Variants in IMMP2L observed in about 807,000 individuals in gnomAD.
IMMP2L encodes inner mitochondrial membrane peptidase subunit 2.
In IMMP2L, 18 loss-of-function variants were observed where a neutral mutation model predicts 19.3. The ratio of observed to expected loss-of-function variants is 0.93; its 90% confidence interval spans 0.64 to 1.38. The LOEUF is 1.38. Among genes scored for constraint, IMMP2L ranks in the 40% most tolerant of loss-of-function variants. The pLI is 0.00. For synonymous variants in IMMP2L, 76 were observed against 73.0 expected, an observed-to-expected ratio of 1.04 and a Z score of -0.21; for missense variants, 233 against 218.2, an observed-to-expected ratio of 1.07 and a Z score of -0.43.
intron 5 of IMMP2L, among the ~76,000 whole-genome samples, chr7:110,690,937 C>T (rs1441054332): frequency 6.6e-6 from 1 of 151,914 alleles, no homozygotes; most frequent in African/African-American, 2.4e-5. Flanking sequence ...ATCAAAATAC[C>T]AACATCATTT....
chr7:110,698,022 T>C (rs538627738), intron 5 of IMMP2L, among the ~76,000 whole-genome samples: 3 of 152,258 alleles, frequency 2.0e-5, no homozygotes, highest in South Asian at 2.1e-4. Flanking sequence ...TGTCAAAACA[T>C]TCATTATAAA....
intron 1 of IMMP2L, among the ~76,000 whole-genome samples, chr7:111,554,397 A>G (rs1791024191): frequency 6.6e-6 from 1 of 152,108 alleles, no homozygotes; most frequent in African/African-American, 2.4e-5. Context: ...GAGAAACCCA[A>G]GCCCCTTCTG....
chr7:111,472,253 T>C (rs1327398706), intron 3 of IMMP2L, among the ~76,000 whole-genome samples: 3 of 152,134 alleles, frequency 2.0e-5, no homozygotes, highest in African/African-American at 4.8e-5. Context: ...TATCCTCCTT[T>C]CAAGTACACA....
chr7:110,835,442 C>A (rs1405827674), intron 5 of IMMP2L, among the ~76,000 whole-genome samples: 1 of 152,108 alleles, frequency 6.6e-6, no homozygotes, highest in Non-Finnish European at 1.5e-5. Context: ...TGGAAAGCTG[C>A]CAAGAAGGTC....
chr7:111,399,235 T>C (rs1162133605), intron 3 of IMMP2L, among the ~76,000 whole-genome samples: 2 of 152,142 alleles, frequency 1.3e-5, no homozygotes, highest in East Asian at 1.9e-4. Flanking sequence ...CAAACTATAC[T>C]GTAAGGCCAT....
intron 3 of IMMP2L, among the ~76,000 whole-genome samples, chr7:111,147,856 A>G (rs1229131575): frequency 6.6e-6 from 1 of 152,144 alleles, no homozygotes; most frequent in African/African-American, 2.4e-5. Context: ...CAATGTTCCA[A>G]GAAGAATTTA....
chr7:111,384,357 G>A (rs1195983255), intron 3 of IMMP2L, among the ~76,000 whole-genome samples: 1 of 151,770 alleles, frequency 6.6e-6, no homozygotes, highest in Non-Finnish European at 1.5e-5. Flanking sequence ...AGAGAAGAGG[G>A]GGAGGAGGGG....
At chr7:110,990,311 T>A (rs2129559468) in intron 3 of IMMP2L, among the ~76,000 whole-genome samples, 1 of 152,298 alleles carries the variant, frequency 6.6e-6, no homozygotes, top group Non-Finnish European at 1.5e-5. Flanking sequence ...CCTTCACAAA[T>A]AATCCTAGCC....
chr7:111,134,134 T>C (rs530611435), intron 3 of IMMP2L, among the ~76,000 whole-genome samples: 2 of 152,128 alleles, frequency 1.3e-5, no homozygotes, highest in African/African-American at 4.8e-5. Flanking sequence ...TATTTCTTTT[T>C]CAGAAATTTC....
chr7:111,404,992 A>G (rs1833794322), intron 3 of IMMP2L, among the ~76,000 whole-genome samples: 1 of 152,168 alleles, frequency 6.6e-6, no homozygotes. Context: ...CACCAGGTGT[A>G]GATTGCTAGA....
chr7:111,121,894 A>G (rs1800673639), intron 3 of IMMP2L, among the ~76,000 whole-genome samples: 1 of 152,196 alleles, frequency 6.6e-6, no homozygotes, highest in Non-Finnish European at 1.5e-5. Context: ...AATACTATGC[A>G]GCCATAAAAA....
intron 1 of IMMP2L, among the ~76,000 whole-genome samples, chr7:111,521,655 C>T (rs1348089313): frequency 6.6e-6 from 1 of 152,034 alleles, no homozygotes; most frequent in Admixed American, 6.6e-5. Context: ...AATGCTTTTC[C>T]ACAACTCAAG....
At chr7:111,080,578 G>A (rs1057186175) in intron 3 of IMMP2L, among the ~76,000 whole-genome samples, 15 of 151,920 alleles carry the variant, frequency 9.9e-5, no homozygotes, top group Non-Finnish European at 2.1e-4. Context: ...AAGATTATAA[G>A]TGATTGAAAG....
intron 3 of IMMP2L, among the ~76,000 whole-genome samples, chr7:111,313,232 T>A (rs185494308): frequency 3.9e-5 from 6 of 152,108 alleles, no homozygotes. Flanking sequence ...AAGTACACCA[T>A]CCAATAAAAG....
chr7:111,548,600 G>A (rs1176644561), intron 1 of IMMP2L, among the ~76,000 whole-genome samples: 2 of 152,032 alleles, frequency 1.3e-5, no homozygotes, highest in East Asian at 1.9e-4. Context: ...CCTTTATCTC[G>A]AAGTAATCAC....
intron 3 of IMMP2L, among the ~76,000 whole-genome samples, chr7:111,453,502 G>A (rs1839407342): frequency 6.6e-6 from 1 of 152,154 alleles, no homozygotes; most frequent in Non-Finnish European, 1.5e-5. Flanking sequence ...AGTATTCATT[G>A]TAAATTGGAG....
At chr7:110,982,560 A>G (rs566136860) in intron 3 of IMMP2L, among the ~76,000 whole-genome samples, 1 of 152,252 alleles carries the variant, frequency 6.6e-6, no homozygotes, top group Admixed American at 6.5e-5. Flanking sequence ...TACTAGGTCA[A>G]AAATGAAGCA....
rs147319045 is a variant in IMMP2L, at chr7:111,021,203, C to T, written c.240-57638G>A. 4.0e-3 allele frequency among the ~76,000 whole-genome samples: 612 copies of T among 152,336 alleles called. 1 individual carries two copies. The highest frequency in any genetic ancestry group is 0.014 in the Middle Eastern group (4 of 294). On this transcript the variant is annotated intron_variant, in intron 3 of 5. Transcript: ENST00000405709. ...GACTTGAGTTATAGGTTAGCTATTT[C>T]CTCATGGCAGACAAAACAGTTTCCA...
intron 1 of IMMP2L, among the ~76,000 whole-genome samples, chr7:111,526,191 C>G (rs985728694): frequency 9.2e-5 from 14 of 152,162 alleles, no homozygotes; most frequent in African/African-American, 2.9e-4. Context: ...ATGCTAAGTA[C>G]AGAGGATATA....
Sources: gnomAD v4.1 joint callset for allele counts (sites outside exome capture counted in the v4.1 genomes callset) on GRCh38, gnomAD v4.1.1 for gene constraint, MANE v1.5 for transcripts, NCBI Gene and HGNC (gene_info 2026-07-23, HGNC 2026-07-21) for gene names.